Variants in ATP5PD observed in about 807,000 individuals in gnomAD.
ATP5PD encodes ATP synthase peripheral stalk subunit d, mitochondrial.
A neutral mutation model predicts 22.6 loss-of-function variants in ATP5PD; 13 were observed. The observed-to-expected ratio is 0.58, with a 90% CI of 0.37 to 0.91. The LOEUF (loss-of-function observed/expected upper bound fraction) is 0.91, where lower values mean the gene tolerates loss of function less well. Among genes scored for constraint, ATP5PD ranks in the 40% least tolerant of loss-of-function variants. The pLI is 0.00. For synonymous variants in ATP5PD, 51 were observed against 65.0 expected (o/e 0.79, Z 1.03); for missense variants, 165 against 188.0 (o/e 0.88, Z 0.72).
chr17:75,042,947 G>A (rs924058033), intron 1 of ATP5PD, among the ~76,000 whole-genome samples: 1 of 152,064 alleles, frequency 6.6e-6, no homozygotes, highest in African/African-American at 2.4e-5. Context: ...GCGGCCAGGC[G>A]CAGTGGGCTC....
intron 3 of ATP5PD, chr17:75,041,626 CAAAA>C (rs2073161750): frequency 6.6e-6 from 1 of 152,156 alleles, no homozygotes; most frequent in Non-Finnish European, 1.5e-5. Context: ...AACTCCGTCT[CAAAA>C]GAAAAAGGAC....
At chr17:75,040,216 G>T in intron 3 of ATP5PD, 53 bp from the exon 4 acceptor site, 2 of 1,609,098 alleles carry the variant, frequency 1.2e-6, no homozygotes, top group African/African-American at 2.7e-5. Context: ...CAAACACAAG[G>T]ACAGTGAGTC....
At position 75,040,136 on chromosome 17, in the gene ATP5PD, C is replaced by G; in HGVS notation, c.247G>C (p.Glu83Gln). The change falls in exon 4 of 6, where the codon GAG (glutamate) becomes CAG (glutamine). Residue 83 changes from glutamate (E) to glutamine (Q), a missense_variant. Coordinates refer to ENST00000301587, the MANE Select transcript of ATP5PD (RefSeq NM_006356.3). ...TCCACCTGGGCAGTATATTTATCCT[C>G]TGGCACGGGAACCTTCAGCGCATTA... ...KFNALKVPVP[E>Q]DKYTAQVDAE... 1 of 1,612,536 alleles carries G rather than the reference C, an allele frequency of 6.2e-7. No individual in the cohort carries two copies. Among genetic ancestry groups the G allele is most frequent in the South Asian group, 1.1e-5 (1 of 91,000 alleles).
chr17:75,044,807 G>C (rs779339534), intron 1 of ATP5PD, among the ~76,000 whole-genome samples: 1 of 152,232 alleles, frequency 6.6e-6, no homozygotes, highest in Non-Finnish European at 1.5e-5. Flanking sequence ...TAAGCTTGGA[G>C]TGGAATGCAA....
In ATP5PD at chr17:75,039,236, C is replaced by T. The variant is rs1205643324; in HGVS notation, c.327G>A (p.Lys109=). The T allele has an allele frequency of 6.2e-7, 1 of 1,614,176 alleles. No homozygotes were observed. The highest frequency in any genetic ancestry group is 1.7e-5 in the Admixed American group (1 of 60,020). ...KSCAEWVSLS[K]ARIVEYEKEM... ...CTTTCTCATATTCTACAATCCTGGCCTTTGAGAGAGACACCCACTCAGCAC... is the reference window on the plus strand; with the variant it reads ...CTTTCTCATATTCTACAATCCTGGCTTTTGAGAGAGACACCCACTCAGCAC... Residue 109 remains lysine, a synonymous_variant, in exon 5 of 6, where the codon AAG becomes AAA. Coordinates refer to ENST00000301587, the MANE Select transcript of ATP5PD (RefSeq NM_006356.3).
intron 4 of ATP5PD, 44 bp from the exon 5 acceptor site, chr17:75,039,315 TC>T (rs757278265): frequency 6.4e-7 from 1 of 1,569,246 alleles, no homozygotes; most frequent in Admixed American, 1.7e-5. Flanking sequence ...CAGGCTGCAT[TC>T]TACCCCAGCA....
chr17:75,041,258 G>A (rs1228439356), intron 3 of ATP5PD: 1 of 151,548 alleles, frequency 6.6e-6, no homozygotes, highest in East Asian at 1.9e-4. Flanking sequence ...GGGGGGATGA[G>A]GTGGGAGGAA....
At chr17:75,046,666 G>A (rs998435014) in intron 1 of ATP5PD, among the ~76,000 whole-genome samples, 1 of 152,258 alleles carries the variant, frequency 6.6e-6, no homozygotes, top group African/African-American at 2.4e-5. Flanking sequence ...CGGACTGCAC[G>A]AGACACGGCT....
Position 75,039,177 on chromosome 17 carries a change from T to C in ATP5PD, c.354+32A>G, listed in dbSNP as rs758910833. On this transcript the variant is annotated intron_variant, in intron 5 of 5. Transcript: ENST00000301587. ...GTGTGGTCATGAAAGAGAGAACCCA[T>C]ATTATAGGCAACGGCTACCCATCAT... 9 of 1,613,524 alleles carry C rather than the reference T, an allele frequency of 5.6e-6. No homozygotes were observed. The African/African-American group carries it at 1.2e-4, about 22-fold the overall frequency.
At chr17:75,044,261 A>C (rs1296445510) in intron 1 of ATP5PD, among the ~76,000 whole-genome samples, 5 of 104,574 alleles carry the variant, frequency 4.8e-5, no homozygotes. Context: ...TGCGGACTGC[A>C]GTGGCGCAAT....
intron 1 of ATP5PD, 73 bp from the exon 2 acceptor site, chr17:75,042,732 C>A: frequency 7.1e-7 from 1 of 1,405,350 alleles, no homozygotes; most frequent in South Asian, 1.3e-5. Context: ...TGATAAATAA[C>A]AAAATAAGAG....
rs1157955401 is a variant in ATP5PD, at chr17:75,038,998, G to A, written c.420C>T (p.Phe140=). 3.7e-6 allele frequency: 6 copies of A among 1,614,170 alleles called. No homozygotes were observed. Among genetic ancestry groups the A allele is most frequent in the Non-Finnish European group, 5.1e-6 (6 of 1,180,010 alleles). The stretch of plus-strand genomic sequence containing the variant: ...TTTTCTTGTCTAATTTGGTTTCTGG[G>A]AAAGCTTCATTCAAGTCCTCAATGG... ...QMTIEDLNEA[F]PETKLDKKKY... is the part of the protein sequence containing the mutation. Residue 140 remains phenylalanine (F), a synonymous_variant, in exon 6 of 6, where the codon TTC becomes TTT. Coordinates refer to ENST00000301587, the MANE Select transcript of ATP5PD (RefSeq NM_006356.3).
At position 75,039,049 on chromosome 17, in the gene ATP5PD, C is replaced by A; in HGVS notation, c.369G>T (p.Lys123Asn). The change falls in exon 6 of 6, where the codon AAG (lysine) becomes AAT (asparagine). Residue 123 changes from lysine (K) to asparagine (N), a missense_variant. Transcript: ENST00000301587. The part of the protein sequence containing the change: ...VEYEKEMEKM[K>N]NLIPFDQMTI... Reference sequence around the variant, plus strand: ...TCATCTGATCAAATGGAATTAAGTTCTTCATCTTCTCCATCTGGAAAGAGG... The same window carrying A: ...TCATCTGATCAAATGGAATTAAGTTATTCATCTTCTCCATCTGGAAAGAGG... The A allele has an allele frequency of 6.2e-7, 1 of 1,613,892 alleles. No individual in the cohort carries two copies. The highest frequency in any genetic ancestry group is 8.5e-7 in the Non-Finnish European group (1 of 1,179,972).
Position 75,039,037 on chromosome 17 carries a change from TGGAA to T in ATP5PD, c.377_380del (p.Ile126AsnfsTer5). On this transcript the variant is annotated frameshift_variant, in exon 6 of 6. Coordinates refer to ENST00000301587, the MANE Select transcript of ATP5PD (RefSeq NM_006356.3). LOFTEE classifies it high-confidence loss of function. ...AGTCCTCAATGGTCATCTGATCAAA[TGGAA>T]TTAAGTTCTTCATCTTCTCCATCTG... is the stretch of plus-strand genomic sequence containing the variant. The T allele has an allele frequency of 6.2e-7, 1 of 1,614,092 alleles. No homozygotes were observed. Among genetic ancestry groups the T allele is most frequent in the Non-Finnish European group, 8.5e-7 (1 of 1,179,998 alleles).
rs533657377 is a variant in ATP5PD at position 75,039,190 on chromosome 17, G to A, written c.354+19C>T. 1.2e-5 allele frequency: 20 copies of A among 1,613,816 alleles called. No individual in the cohort carries two copies. The highest frequency in any genetic ancestry group is 2.2e-5 in the East Asian group (1 of 44,898). ...AGAGAGAACCCATATTATAGGCAACGGCTACCCATCATCCTTACCTCTTTC... is the reference window on the plus strand; with the variant it reads ...AGAGAGAACCCATATTATAGGCAACAGCTACCCATCATCCTTACCTCTTTC... On this transcript the variant is annotated intron_variant, in intron 5 of 5. Coordinates refer to ENST00000301587, the MANE Select transcript of ATP5PD (RefSeq NM_006356.3).
At chr17:75,043,549 G>T (rs1224860120) in intron 1 of ATP5PD, among the ~76,000 whole-genome samples, 1 of 148,438 alleles carries the variant, frequency 6.7e-6, no homozygotes, top group Non-Finnish European at 1.5e-5. Context: ...GGCGGCGGAG[G>T]TTGCAGTGAG....
intron 2 of ATP5PD, 82 bp downstream of exon 2, chr17:75,042,447 G>T (rs1307135790): frequency 1.9e-5 from 29 of 1,559,192 alleles, no homozygotes; most frequent in Admixed American, 1.6e-4. Flanking sequence ...AGGGCATCAA[G>T]AATTCATATG....
rs890603776 is a variant in ATP5PD, at chr17:75,040,194, C to T, written c.220-31G>A. ...AACACAAGGGCACGGGAACCTTCAG[C>T]GCATTAAACTACAAACACAAGGACA... On this transcript the variant is annotated intron_variant, in intron 3 of 5. Transcript: ENST00000301587. The T allele has an allele frequency of 4.3e-6, 7 of 1,611,500 alleles. No homozygotes were observed. The African/African-American group carries it at 5.4e-5, about 12-fold the overall frequency.
chr17:75,042,508 C>G (rs557017001), intron 2 of ATP5PD, 21 bp downstream of exon 2: 1 of 1,599,976 alleles, frequency 6.3e-7, no homozygotes, highest in South Asian at 1.1e-5. Flanking sequence ...GTATGGGGTT[C>G]CCTCTCAGAA....
Sources: allele counts gnomAD v4.1 joint callset (sites outside exome capture counted in the v4.1 genomes callset), GRCh38; gene constraint gnomAD v4.1.1; transcripts MANE v1.5; gene names NCBI Gene and HGNC (gene_info 2026-07-23, HGNC 2026-07-21).